Variants in XKR9 observed in about 807,000 individuals in gnomAD.
The protein encoded by XKR9 is XK-related protein 9.
In XKR9, 32 loss-of-function variants were observed where a neutral mutation model predicts 32.0. The ratio of observed to expected loss-of-function variants is 1.00; its 90% CI spans 0.76 to 1.34. The LOEUF is 1.34. XKR9 is among the 40% of genes most tolerant of loss of function. XKR9 has a pLI of 0.00. For missense variants in XKR9, 546 were observed against 429.7 expected, an observed-to-expected ratio of 1.27 and a Z score of -2.39; for synonymous variants, 168 against 143.4, an observed-to-expected ratio of 1.17 and a Z score of -1.22.
At chr8:70,698,481 G>T (rs1482534506) in intron 3 of XKR9, among the ~76,000 whole-genome samples, 3 of 152,168 alleles carry the variant, frequency 2.0e-5, no homozygotes, top group African/African-American at 7.2e-5. Flanking sequence ...CAGTTTCCAT[G>T]TAGTTGAGTG....
the XKR9 span, among the ~76,000 whole-genome samples, chr8:70,895,584 C>A: frequency 6.6e-6 from 1 of 152,060 alleles, no homozygotes; most frequent in South Asian, 2.1e-4. Context: ...AAAAGATATC[C>A]TTTTCTTCAC....
the XKR9 span, among the ~76,000 whole-genome samples, chr8:70,963,713 G>C: frequency 7.2e-5 from 11 of 152,312 alleles, no homozygotes; most frequent in South Asian, 2.3e-3. Context: ...TTTCTCTAAT[G>C]ATCAGCTATG....
intron 4 of XKR9, among the ~76,000 whole-genome samples, chr8:70,708,484 GGTT>G (rs1805798750): frequency 6.6e-6 from 1 of 152,000 alleles, no homozygotes; most frequent in Admixed American, 6.6e-5. Context: ...AATTATTGTA[GGTT>G]GTTAGTATGG....
chr8:70,847,440 A>C, the XKR9 span, among the ~76,000 whole-genome samples: 2 of 152,006 alleles, frequency 1.3e-5, no homozygotes, highest in Admixed American at 6.5e-5. Flanking sequence ...AAAAGCAAGA[A>C]CAAACCAAAT....
chr8:71,008,533 C>G, the XKR9 span, among the ~76,000 whole-genome samples: 1 of 152,202 alleles, frequency 6.6e-6, no homozygotes, highest in African/African-American at 2.4e-5. Flanking sequence ...GTTAGAAATG[C>G]AAAATCTTGC....
chr8:70,828,023 A>G, the XKR9 span, among the ~76,000 whole-genome samples: 1 of 152,220 alleles, frequency 6.6e-6, no homozygotes, highest in Non-Finnish European at 1.5e-5. Context: ...TTGCACAAGA[A>G]TTTCATTATT....
At chr8:71,025,215 T>G in the XKR9 span, among the ~76,000 whole-genome samples, 7 of 152,198 alleles carry the variant, frequency 4.6e-5, no homozygotes, top group Non-Finnish European at 1.0e-4. Context: ...ACATAGGAAC[T>G]TCCTGGAGAC....
the XKR9 span, among the ~76,000 whole-genome samples, chr8:70,857,440 A>T: frequency 6.6e-6 from 1 of 152,208 alleles, no homozygotes; most frequent in Non-Finnish European, 1.5e-5. Context: ...GTTGAATCTG[A>T]ATAGACCAAT....
At chr8:71,032,202 T>G in the XKR9 span, among the ~76,000 whole-genome samples, 3 of 145,816 alleles carry the variant, frequency 2.1e-5, no homozygotes, top group Non-Finnish European at 4.4e-5. Context: ...GAGAATTGCT[T>G]GAACCTGGGA....
the XKR9 span, among the ~76,000 whole-genome samples, chr8:70,803,533 G>A: frequency 6.6e-6 from 1 of 152,192 alleles, no homozygotes; most frequent in South Asian, 2.1e-4. Context: ...TGAGTTGCCA[G>A]AGTTTTTGCA....
At chr8:70,984,661 G>C in the XKR9 span, among the ~76,000 whole-genome samples, 1 of 152,272 alleles carries the variant, frequency 6.6e-6, no homozygotes, top group Non-Finnish European at 1.5e-5. Context: ...AAATTATCCT[G>C]TACTTAGTGT....
At chr8:70,874,718 A>T in the XKR9 span, among the ~76,000 whole-genome samples, 1 of 152,182 alleles carries the variant, frequency 6.6e-6, no homozygotes, top group Admixed American at 6.5e-5. Context: ...ACATAGTCTG[A>T]TCCAGAGACT....
chr8:70,749,090 C>T (rs1251183418), intron 2 of XKR9, among the ~76,000 whole-genome samples: 1 of 152,186 alleles, frequency 6.6e-6, no homozygotes, highest in African/African-American at 2.4e-5. Context: ...GACCTGCCTA[C>T]AGAAAGTAGC....
the XKR9 span, among the ~76,000 whole-genome samples, chr8:70,853,610 T>A: frequency 2.0e-5 from 3 of 151,876 alleles, no homozygotes; most frequent in Non-Finnish European, 4.4e-5. Flanking sequence ...TTGTTACATA[T>A]GTATACATGT....
chr8:70,702,299 A>G (rs1014750973), intron 3 of XKR9, among the ~76,000 whole-genome samples: 1 of 152,152 alleles, frequency 6.6e-6, no homozygotes. Flanking sequence ...ACTTCATAGG[A>G]TTACAGTCTT....
At chr8:70,718,196 C>G (rs891852633) in intron 4 of XKR9, among the ~76,000 whole-genome samples, 2 of 152,158 alleles carry the variant, frequency 1.3e-5, no homozygotes, top group African/African-American at 2.4e-5. Flanking sequence ...TTCTTCAGAG[C>G]CCTCCAGACT....
chr8:70,867,743 C>A, the XKR9 span, among the ~76,000 whole-genome samples: 1 of 152,184 alleles, frequency 6.6e-6, no homozygotes, highest in Non-Finnish European at 1.5e-5. Context: ...TGAGCCACCA[C>A]AGCCAGTCAA....
the XKR9 span, among the ~76,000 whole-genome samples, chr8:70,815,094 C>T: frequency 6.6e-6 from 1 of 152,152 alleles, no homozygotes; most frequent in African/African-American, 2.4e-5. Context: ...GTAGATGACA[C>T]AAACAAATGG....
chr8:70,838,194 G>A, the XKR9 span, among the ~76,000 whole-genome samples: 1 of 152,032 alleles, frequency 6.6e-6, no homozygotes, highest in East Asian at 1.9e-4. Flanking sequence ...GATTTACTAA[G>A]TCCTTACTAT....
Sources: allele counts gnomAD v4.1 joint callset (sites outside exome capture counted in the v4.1 genomes callset), GRCh38; gene constraint gnomAD v4.1.1; transcripts MANE v1.5; gene names NCBI Gene and HGNC (gene_info 2026-07-23, HGNC 2026-07-21).